THSD7B: variants seen among roughly 807,000 people sequenced by gnomAD.
The protein encoded by THSD7B is thrombospondin type-1 domain-containing protein 7B.
Under a neutral mutation model 213.6 loss-of-function variants are expected in THSD7B, and 138 were observed. That is an observed-to-expected ratio of 0.65 (90% CI 0.56 to 0.74). The LOEUF (loss-of-function observed/expected upper bound fraction) is 0.74. Ranked by LOEUF, THSD7B falls within the 30% of genes least tolerant of loss-of-function variation. THSD7B has a pLI of 0.00. For missense variants in THSD7B, 1,931 were observed against 1,991.5 expected (o/e 0.97, Z 0.58); for synonymous variants, 742 against 687.0 (o/e 1.08, Z -1.25).
chr2:137,387,307 G>A (rs187665700), intron 12 of THSD7B, among the ~76,000 whole-genome samples: 159 of 152,246 alleles, frequency 1.0e-3, no homozygotes, highest in African/African-American at 3.2e-3. Flanking sequence ...CTGTTTCTCC[G>A]TCATTCCCTA....
intron 25 of THSD7B, 60 bp downstream of exon 25, chr2:137,659,806 T>A (rs1683309356): frequency 6.7e-7 from 1 of 1,492,698 alleles, no homozygotes; most frequent in Non-Finnish European, 9.1e-7. Context: ...ACACATGCAA[T>A]CAGATGTTCT....
intron 4 of THSD7B, among the ~76,000 whole-genome samples, chr2:137,100,252 G>T (rs981250743): frequency 6.6e-6 from 1 of 152,110 alleles, no homozygotes; most frequent in Admixed American, 6.5e-5. Flanking sequence ...AGAGTGCTGT[G>T]TTGTGAAGGG....
chr2:137,040,217 C>T (rs996224991), intron 2 of THSD7B, among the ~76,000 whole-genome samples: 2 of 152,264 alleles, frequency 1.3e-5, no homozygotes, highest in Non-Finnish European at 1.5e-5. Context: ...CTGGACAATG[C>T]TTACAAATGT....
chr2:137,086,846 T>C (rs1573814080), intron 3 of THSD7B, among the ~76,000 whole-genome samples: 1 of 152,176 alleles, frequency 6.6e-6, no homozygotes, highest in African/African-American at 2.4e-5. Context: ...TTGACAATAC[T>C]TTATGTATCT....
At chr2:137,198,269 CCTT>C (rs1680805634) in intron 7 of THSD7B, among the ~76,000 whole-genome samples, 1 of 152,116 alleles carries the variant, frequency 6.6e-6, no homozygotes, top group South Asian at 2.1e-4. Flanking sequence ...CACCACCTGC[CCTT>C]CTCCAATTTT....
At chr2:137,436,827 G>A (rs17678604) in intron 14 of THSD7B, among the ~76,000 whole-genome samples, 34,347 of 151,886 alleles carry the variant, frequency 0.23, 4,046 homozygotes, top group South Asian at 0.27. Context: ...TTCTTTTCTC[G>A]TTTTGCCTCC....
intron 17 of THSD7B, among the ~76,000 whole-genome samples, chr2:137,608,038 T>C (rs770921779): frequency 4.6e-5 from 7 of 152,200 alleles, no homozygotes; most frequent in African/African-American, 1.7e-4. Flanking sequence ...TTGCCCCTGG[T>C]CTTGTCAGTC....
intron 2 of THSD7B, among the ~76,000 whole-genome samples, chr2:137,001,737 T>A (rs918888289): frequency 6.6e-6 from 1 of 152,170 alleles, no homozygotes; most frequent in African/African-American, 2.4e-5. Context: ...CATTTATCTA[T>A]GTTTAGCTTC....
chr2:137,218,913 A>G (rs1573893523), intron 7 of THSD7B, among the ~76,000 whole-genome samples: 1 of 151,950 alleles, frequency 6.6e-6, no homozygotes, highest in African/African-American at 2.4e-5. Flanking sequence ...TGAGAAACCT[A>G]TTCTAAGTAT....
intron 15 of THSD7B, among the ~76,000 whole-genome samples, chr2:137,497,235 G>T (rs1325675239): frequency 2.0e-5 from 3 of 150,140 alleles, no homozygotes; most frequent in Non-Finnish European, 3.0e-5. Context: ...ACACACACTA[G>T]ATCTCACTTT....
intron 12 of THSD7B, among the ~76,000 whole-genome samples, chr2:137,317,892 G>A (rs1684162490): frequency 6.6e-6 from 1 of 152,146 alleles, no homozygotes; most frequent in African/African-American, 2.4e-5. Context: ...CCACTGCACT[G>A]CCACTGCCTG....
rs1394301373 is a variant in THSD7B, at chr2:137,437,197, G to C, written c.2960-13648G>C. ...TAATCCAGCACTTTCCTGGATCAGA[G>C]CTATACTTCAAATGTACACAGCCAT... On this transcript the variant is annotated intron_variant, in intron 14 of 27. Coordinates refer to ENST00000409968, the MANE Select transcript of THSD7B (RefSeq NM_001316349.2). 4.6e-5 allele frequency among the ~76,000 whole-genome samples: 7 copies of C among 152,228 alleles called. No individual in the cohort carries two copies. The East Asian group carries it at 1.4e-3, about 29-fold the overall frequency.
chr2:136,887,968 C>A (rs1249645441), intron 2 of THSD7B, among the ~76,000 whole-genome samples: 1 of 152,014 alleles, frequency 6.6e-6, no homozygotes, highest in Non-Finnish European at 1.5e-5. Context: ...CTTTGAAATA[C>A]CTAATATATA....
chr2:137,060,441 G>A (rs1687250104), intron 3 of THSD7B, among the ~76,000 whole-genome samples: 1 of 151,260 alleles, frequency 6.6e-6, no homozygotes, highest in Non-Finnish European at 1.5e-5. Flanking sequence ...TAAACCCAAA[G>A]TCAACTCAAT....
At chr2:136,783,562 G>C (rs1681784822) in intron 1 of THSD7B, among the ~76,000 whole-genome samples, 1 of 152,018 alleles carries the variant, frequency 6.6e-6, no homozygotes, top group Non-Finnish European at 1.5e-5. Flanking sequence ...GAGAGACCTG[G>C]AACCCTGAAG....
chr2:137,262,937 A>G (rs971781641), intron 10 of THSD7B, among the ~76,000 whole-genome samples: 5 of 152,148 alleles, frequency 3.3e-5, no homozygotes, highest in South Asian at 2.1e-4. Flanking sequence ...GAGATCAGCT[A>G]TGGATGACTT....
intron 12 of THSD7B, among the ~76,000 whole-genome samples, chr2:137,299,521 T>C (rs1027356077): frequency 1.3e-4 from 20 of 152,042 alleles, no homozygotes; most frequent in Non-Finnish European, 1.5e-5. Context: ...TGTGCCCCCA[T>C]CCAAATTTCA....
intron 5 of THSD7B, among the ~76,000 whole-genome samples, chr2:137,150,827 C>A (rs1679805502): frequency 2.6e-5 from 4 of 152,170 alleles, no homozygotes; most frequent in Admixed American, 2.6e-4. Context: ...CTAATGCTCA[C>A]AGGCTACAAA....
chr2:137,668,146 T>C (rs770275304), intron 27 of THSD7B, among the ~76,000 whole-genome samples: 26 of 152,228 alleles, frequency 1.7e-4, no homozygotes, highest in Non-Finnish European at 2.4e-4. Flanking sequence ...TGACAATACA[T>C]TGATGTCTCC....
Sources: gnomAD v4.1 joint callset for allele counts (sites outside exome capture counted in the v4.1 genomes callset) on GRCh38, gnomAD v4.1.1 for gene constraint, MANE v1.5 for transcripts, NCBI Gene and HGNC (gene_info 2026-07-23, HGNC 2026-07-21) for gene names.